Variants in BACE1 observed in about 807,000 individuals in gnomAD.
The protein encoded by BACE1 is beta-secretase 1, also known as APP beta-secretase.
A neutral mutation model predicts 54.0 loss-of-function variants in BACE1; 21 were observed. The observed-to-expected ratio is 0.39, with a 90% CI of 0.28 to 0.56. The LOEUF (loss-of-function observed/expected upper bound fraction) is 0.56, where lower values mean the gene tolerates loss of function less well. BACE1 is among the 20% of genes least tolerant of loss of function. The probability of loss-of-function intolerance (pLI) is 0.63; values close to 1 mark genes in which losing one functional copy is unlikely to be tolerated. For synonymous variants in BACE1, 232 were observed against 260.9 expected, an observed-to-expected ratio of 0.89 and a Z score of 1.07; for missense variants, 511 against 661.2, an observed-to-expected ratio of 0.77 and a Z score of 2.49.
At position 117,288,591 on chromosome 11, in the gene BACE1, A is replaced by G. The variant is rs1414630272; in HGVS notation, c.*975T>C. On this transcript the variant is annotated 3_prime_UTR_variant, in exon 9 of 9. Transcript: ENST00000313005. ...CAGGAAGACAGAGCCCAGCCCTGCT[A>G]TAGTCCAGTTGCTCTCCCACAGGGC... 3.9e-5 allele frequency: 6 copies of G among 152,710 alleles called. No individual in the cohort carries two copies. The highest frequency in any genetic ancestry group is 7.3e-5 in the Non-Finnish European group (5 of 68,072). The allele number at this position is 152,710 out of a possible 1,614,324, so 9.5% of individuals were successfully genotyped here.
At chr11:117,309,963 C>T (rs746678306) in intron 1 of BACE1, among the ~76,000 whole-genome samples, 1 of 151,750 alleles carries the variant, frequency 6.6e-6, no homozygotes, top group Non-Finnish European at 1.5e-5. Flanking sequence ...GGCTGGAGTG[C>T]AGTGGCGCAA....
intron 1 of BACE1, among the ~76,000 whole-genome samples, chr11:117,298,326 G>A (rs181056774): frequency 5.9e-5 from 9 of 151,932 alleles, no homozygotes; most frequent in Non-Finnish European, 7.4e-5. Context: ...GAAAAGAAAC[G>A]CTGTGTCTGC....
intron 1 of BACE1, among the ~76,000 whole-genome samples, chr11:117,306,892 C>T (rs540271640): frequency 6.6e-6 from 1 of 152,236 alleles, no homozygotes; most frequent in African/African-American, 2.4e-5. Flanking sequence ...GCCTACAGTG[C>T]GCAGCAGAGA....
At chr11:117,312,665 G>A (rs908559892) in intron 1 of BACE1, among the ~76,000 whole-genome samples, 1 of 152,120 alleles carries the variant, frequency 6.6e-6, no homozygotes, top group African/African-American at 2.4e-5. Context: ...GTTTCACCAC[G>A]TTGGCCAGGC....
chr11:117,289,788 C>A lies in BACE1; in HGVS notation c.1284G>T (p.Thr428=), dbSNP rs377133972. 2.0e-5 allele frequency: 32 copies of A among 1,613,900 alleles called. No homozygotes were observed. Among genetic ancestry groups the A allele is most frequent in the Admixed American group, 1.7e-5 (1 of 60,002 alleles). The change falls in exon 9 of 9, where the codon ACG becomes ACT. Residue 428 remains threonine, a synonymous_variant. Coordinates refer to ENST00000313005, the MANE Select transcript of BACE1 (RefSeq NM_012104.6). ...TGACAAAAGGGCCTTCCACCGCTGC[C>A]GTCCTGAACTCATCGTGCACTGGGG... The part of the protein sequence containing the change: ...SACHVHDEFR[T]AAVEGPFVTL...
chr11:117,308,930 T>C (rs1222876669), intron 1 of BACE1, among the ~76,000 whole-genome samples: 5 of 152,040 alleles, frequency 3.3e-5, no homozygotes, highest in Non-Finnish European at 7.4e-5. Flanking sequence ...CCAGCCTGGG[T>C]GACACAGCGA....
At chr11:117,303,261 A>C (rs2034763046) in intron 1 of BACE1, among the ~76,000 whole-genome samples, 1 of 152,166 alleles carries the variant, frequency 6.6e-6, no homozygotes, top group African/African-American at 2.4e-5. Flanking sequence ...GGGGTCAGGC[A>C]GACCCAGGAG....
In BACE1 at chr11:117,315,223, C is replaced by A. The variant is rs750811409; in HGVS notation, c.261+312G>T. ...GAGGGGGCTGACACCTGTTATAGTG[C>A]CCCTGTGGCGGACCCTTCCTCCAGG... On this transcript the variant is annotated intron_variant, in intron 1 of 8. Coordinates refer to ENST00000313005, the MANE Select transcript of BACE1 (RefSeq NM_012104.6). The surrounding 1 kb of genome is among the most constrained non-coding windows in gnomAD (Gnocchi z 5.5). Among the ~76,000 whole-genome samples, 2 of 152,166 alleles carry A rather than the reference C, an allele frequency of 1.3e-5. No individual in the cohort carries two copies. The highest frequency in any genetic ancestry group is 2.4e-5 in the African/African-American group (1 of 41,432).
chr11:117,296,828 G>A, intron 2 of BACE1, 45 bp downstream of exon 2: 1 of 1,463,344 alleles, frequency 6.8e-7, no homozygotes, highest in Non-Finnish European at 9.5e-7. Flanking sequence ...CTTAGCCCTG[G>A]ATCCTTGGAA....
chr11:117,289,544 T>C lies in BACE1; in HGVS notation c.*22A>G, dbSNP rs1422781860. 1.1e-5 allele frequency: 17 copies of C among 1,612,592 alleles called. No individual in the cohort carries two copies. The highest frequency in any genetic ancestry group is 1.4e-5 in the Non-Finnish European group (17 of 1,179,258). ...CGGAGGTGTGGTCCAGGGGAATCTC[T>C]ATCTTCTGCCCATGGGCCTCCTCAC... is the stretch of plus-strand genomic sequence containing the variant. On this transcript the variant is annotated 3_prime_UTR_variant, in exon 9 of 9. Coordinates refer to ENST00000313005, the MANE Select transcript of BACE1 (RefSeq NM_012104.6).
At chr11:117,290,011 TC>T (rs1459895715) in intron 8 of BACE1, among the ~76,000 whole-genome samples, 1 of 152,142 alleles carries the variant, frequency 6.6e-6, no homozygotes, top group Non-Finnish European at 1.5e-5. Context: ...CAGCAGCCCT[TC>T]CTTGTATACC....
At position 117,289,793 on chromosome 11, in the gene BACE1, T is replaced by C; in HGVS notation, c.1279A>G (p.Arg427Gly). 6.2e-7 allele frequency: 1 copy of C among 1,614,002 alleles called. No homozygotes were observed. ...VSACHVHDEF[R>G]TAAVEGPFVT... ...AAAGGGCCTTCCACCGCTGCCGTCC[T>C]GAACTCATCGTGCACTGGGGAGAGG... is the stretch of plus-strand genomic sequence containing the variant. The change falls in exon 9 of 9, where the codon AGG becomes GGG. Residue 427 changes from arginine (R) to glycine (G), a missense_variant. By Grantham distance (125) the Arg-to-Gly change is moderately radical (BLOSUM62 -2). Transcript: ENST00000313005.
In BACE1 at chr11:117,287,733, C is replaced by T. The variant is rs1350322578; in HGVS notation, c.*1833G>A. On this transcript the variant is annotated 3_prime_UTR_variant, in exon 9 of 9. Transcript: ENST00000313005. Reference sequence around the variant, plus strand: ...CAGTCTCCAGTCTTCCTGTCAGACTCTGTAGTTATGGGGTGTTCCCAGTCA... The same window carrying T: ...CAGTCTCCAGTCTTCCTGTCAGACTTTGTAGTTATGGGGTGTTCCCAGTCA... 1 of 152,644 alleles carries T rather than the reference C, an allele frequency of 6.6e-6. No homozygotes were observed. Among genetic ancestry groups the T allele is most frequent in the African/African-American group, 2.4e-5 (1 of 41,456 alleles). 9.5% of individuals were successfully genotyped at this position (152,644 alleles called of 1,614,324 possible). A position where few individuals can be genotyped will look rare whatever the true frequency, so the allele number is the denominator to read the frequency against.
chr11:117,298,866 C>T (rs535656361), intron 1 of BACE1, among the ~76,000 whole-genome samples: 3 of 152,286 alleles, frequency 2.0e-5, no homozygotes, highest in South Asian at 4.1e-4. Flanking sequence ...AGTGCAATGG[C>T]GCGATCTCGG....
intron 3 of BACE1, chr11:117,294,218 T>C (rs2034536365): frequency 7.9e-6 from 3 of 379,238 alleles, no homozygotes; most frequent in Non-Finnish European, 1.4e-5. Flanking sequence ...GATTCATAGA[T>C]CTTTTTTTTT....
intron 1 of BACE1, among the ~76,000 whole-genome samples, chr11:117,299,230 A>G (rs1205555279): frequency 6.6e-6 from 1 of 152,166 alleles, no homozygotes; most frequent in Non-Finnish European, 1.5e-5. Flanking sequence ...CCACCCTCAG[A>G]AAAATGGTAA....
intron 1 of BACE1, among the ~76,000 whole-genome samples, chr11:117,302,621 G>C (rs576699569): frequency 6.6e-6 from 1 of 152,286 alleles, no homozygotes; most frequent in East Asian, 1.9e-4. Flanking sequence ...GGTGGCTCAC[G>C]CCTGTAATCC....
intron 2 of BACE1, among the ~76,000 whole-genome samples, chr11:117,296,161 CCTT>C (rs774876295): frequency 6.6e-5 from 10 of 152,208 alleles, no homozygotes; most frequent in Middle Eastern, 6.8e-3. Context: ...TCCTCTCATC[CCTT>C]CTTCTTCCTG....
intron 5 of BACE1, 149 bp downstream of exon 5, chr11:117,292,905 A>C (rs2034486130): frequency 1.1e-6 from 1 of 896,670 alleles, no homozygotes; most frequent in African/African-American, 1.7e-5. Context: ...TGTGACCATT[A>C]AGCCCCTGAC....
Sources: allele counts gnomAD v4.1 joint callset (sites outside exome capture counted in the v4.1 genomes callset), GRCh38; gene constraint gnomAD v4.1.1; non-coding constraint Gnocchi (gnomAD v3.1); transcripts MANE v1.5; gene names NCBI Gene and HGNC (gene_info 2026-07-23, HGNC 2026-07-21).